Variants in SERGEF observed in about 807,000 individuals in gnomAD.
SERGEF encodes the protein secretion regulating guanine nucleotide exchange factor.
Under a neutral mutation model 50.0 loss-of-function variants are expected in SERGEF, and 51 were observed. The observed-to-expected ratio is 1.02, with a 90% CI of 0.81 to 1.29. SERGEF has a LOEUF of 1.29. SERGEF is among the 50% of genes most tolerant of loss of function. The pLI, the probability that SERGEF is intolerant of heterozygous loss-of-function variation, is 0.00. For missense variants in SERGEF, 521 were observed against 557.0 expected, an observed-to-expected ratio of 0.94 and a Z score of 0.65; for synonymous variants, 205 against 212.4, an observed-to-expected ratio of 0.97 and a Z score of 0.30.
intron 10 of SERGEF, among the ~76,000 whole-genome samples, chr11:17,801,188 C>T (rs1401753759): frequency 9.0e-6 from 1 of 111,234 alleles, no homozygotes; most frequent in African/African-American, 3.1e-5. Flanking sequence ...GAGCGAGACT[C>T]CGTCTCAAAA....
intron 9 of SERGEF, among the ~76,000 whole-genome samples, chr11:17,904,819 T>C (rs1851808844): frequency 6.6e-6 from 1 of 152,214 alleles, no homozygotes; most frequent in Admixed American, 6.5e-5. Flanking sequence ...TGCAATGCAG[T>C]GCAAGACAGA....
chr11:17,821,893 G>A (rs1296282156), intron 10 of SERGEF, among the ~76,000 whole-genome samples: 21 of 152,270 alleles, frequency 1.4e-4, no homozygotes, highest in Non-Finnish European at 4.4e-5. Flanking sequence ...CTACATACAC[G>A]TAGAGCTTCC....
chr11:18,008,829 C>A (rs1254338452), intron 1 of SERGEF, among the ~76,000 whole-genome samples: 2 of 151,964 alleles, frequency 1.3e-5, no homozygotes, highest in Non-Finnish European at 2.9e-5. Context: ...AGAACACTAT[C>A]CAGCGTGTTT....
chr11:17,864,494 T>C (rs763011330), intron 10 of SERGEF, among the ~76,000 whole-genome samples: 10 of 152,198 alleles, frequency 6.6e-5, no homozygotes, highest in Non-Finnish European at 1.2e-4. Context: ...ACTTGAGCAA[T>C]AAGCAAGATT....
At chr11:17,958,614 C>T (rs1271993249) in intron 9 of SERGEF, among the ~76,000 whole-genome samples, 1 of 152,148 alleles carries the variant, frequency 6.6e-6, no homozygotes, top group East Asian at 1.9e-4. Flanking sequence ...GTATTAAAGG[C>T]CCCCTTGATC....
chr11:17,837,752 C>T (rs1850427853), intron 10 of SERGEF, among the ~76,000 whole-genome samples: 1 of 151,306 alleles, frequency 6.6e-6, no homozygotes, highest in African/African-American at 2.4e-5. Context: ...CCTCTGCTTC[C>T]CGGGTTCAAG....
intron 9 of SERGEF, among the ~76,000 whole-genome samples, chr11:17,908,568 T>C (rs1480130949): frequency 6.6e-6 from 1 of 152,186 alleles, no homozygotes; most frequent in African/African-American, 2.4e-5. Context: ...CCATATTGAA[T>C]TGTAAAGGGC....
At chr11:18,009,283 G>T (rs1300201859) in intron 1 of SERGEF, among the ~76,000 whole-genome samples, 1 of 152,028 alleles carries the variant, frequency 6.6e-6, no homozygotes, top group Non-Finnish European at 1.5e-5. Context: ...CCATGATTTC[G>T]ATATGAGAAG....
intron 8 of SERGEF, among the ~76,000 whole-genome samples, chr11:17,980,361 C>T (rs560378149): frequency 3.9e-5 from 6 of 152,222 alleles, no homozygotes; most frequent in African/African-American, 1.4e-4. Flanking sequence ...ATGCAACCTC[C>T]GAATTGAGGC....
chr11:17,965,830 T>A (rs1853109997), intron 8 of SERGEF, among the ~76,000 whole-genome samples: 1 of 152,220 alleles, frequency 6.6e-6, no homozygotes, highest in African/African-American at 2.4e-5. Context: ...TACCATTCAC[T>A]AGCTCCATAA....
chr11:17,976,482 A>G (rs1853378328), intron 8 of SERGEF, among the ~76,000 whole-genome samples: 1 of 74,042 alleles, frequency 1.4e-5, no homozygotes, highest in East Asian at 3.9e-4. Flanking sequence ...TTTTTTTTTT[A>G]GCAGAGATGG....
chr11:17,958,216 G>A (rs1249308300), intron 9 of SERGEF, among the ~76,000 whole-genome samples: 1 of 152,182 alleles, frequency 6.6e-6, no homozygotes, highest in Non-Finnish European at 1.5e-5. Context: ...AGGCCAGGCA[G>A]GGCCCTGGGG....
intron 10 of SERGEF, among the ~76,000 whole-genome samples, chr11:17,835,913 G>A (rs1368774325): frequency 6.6e-6 from 1 of 152,170 alleles, no homozygotes; most frequent in Admixed American, 6.5e-5. Flanking sequence ...AATGATAACT[G>A]GGCTTGCTCT....
chr11:17,870,774 C>T (rs1851123965), intron 10 of SERGEF, among the ~76,000 whole-genome samples: 1 of 151,774 alleles, frequency 6.6e-6, no homozygotes, highest in South Asian at 2.1e-4. Flanking sequence ...ATTAAAAAGG[C>T]CACAATAATC....
chr11:17,910,088 A>G (rs1444837870), intron 9 of SERGEF, among the ~76,000 whole-genome samples: 1 of 151,208 alleles, frequency 6.6e-6, no homozygotes, highest in Non-Finnish European at 1.5e-5. Context: ...AACTTGGATC[A>G]AGGGGTTAAA....
At chr11:17,843,663 C>A (rs1018822003) in intron 10 of SERGEF, among the ~76,000 whole-genome samples, 2 of 152,160 alleles carry the variant, frequency 1.3e-5, no homozygotes, top group Non-Finnish European at 2.9e-5. Context: ...CATGAGAGCC[C>A]ATTCATTCCC....
intron 9 of SERGEF, among the ~76,000 whole-genome samples, chr11:17,878,511 C>G (rs1851281888): frequency 6.6e-6 from 1 of 152,076 alleles, no homozygotes; most frequent in Non-Finnish European, 1.5e-5. Context: ...TTTTTAAACC[C>G]TTTCTTCCTT....
chr11:17,799,425 T>A (rs1295788270), intron 10 of SERGEF, among the ~76,000 whole-genome samples: 2 of 152,204 alleles, frequency 1.3e-5, no homozygotes, highest in Non-Finnish European at 2.9e-5. Context: ...GACTTTCAGG[T>A]TGTTTCCATT....
In SERGEF at chr11:17,888,037, G is replaced by A. The variant is rs1352438372; in HGVS notation, c.1012-9793C>T. 6.6e-6 allele frequency among the ~76,000 whole-genome samples: 1 copy of A among 152,262 alleles called. No homozygotes were observed. Among genetic ancestry groups the A allele is most frequent in the Admixed American group, 6.5e-5 (1 of 15,300 alleles). ...GCGGTGGCATTAGATTCTCATATGA[G>A]CACAAACCCTATTGTGAACTCCGCG... On this transcript the variant is annotated intron_variant, in intron 9 of 10. Transcript: ENST00000265965. This position sits in a 1 kb window ranked among gnomAD's most constrained non-coding sequence, Gnocchi z 4.1.
Sources: allele counts gnomAD v4.1 joint callset (sites outside exome capture counted in the v4.1 genomes callset), GRCh38; gene constraint gnomAD v4.1.1; non-coding constraint Gnocchi (gnomAD v3.1); transcripts MANE v1.5; gene names NCBI Gene and HGNC (gene_info 2026-07-23, HGNC 2026-07-21).